Variants in WWOX observed in about 807,000 individuals in gnomAD.
The protein encoded by WWOX is WW domain-containing oxidoreductase.
WWOX carries 69 observed loss-of-function variants against 46.2 expected under a neutral mutation model. The observed-to-expected ratio is 1.49, with a 90% CI of 1.23 to 1.82. The LOEUF (loss-of-function observed/expected upper bound fraction) is 1.82. Among genes scored for constraint, WWOX ranks in the 40% most tolerant of loss-of-function variants. The pLI, the probability that WWOX is intolerant of heterozygous loss-of-function variation, is 0.00. For synonymous variants in WWOX, 359 were observed against 202.6 expected, an observed-to-expected ratio of 1.77 and a Z score of -6.56; for missense variants, 919 against 542.6, an observed-to-expected ratio of 1.69 and a Z score of -6.89.
chr16:78,730,617 ATTTT>A (rs536906826), intron 8 of WWOX, among the ~76,000 whole-genome samples: 15 of 123,054 alleles, frequency 1.2e-4, no homozygotes, highest in African/African-American at 4.1e-4. Context: ...ACGCCCGGCA[ATTTT>A]TTTTTTTTTT....
intron 8 of WWOX, among the ~76,000 whole-genome samples, chr16:78,800,083 C>G (rs759165322): frequency 1.4e-4 from 21 of 152,050 alleles, no homozygotes; most frequent in Non-Finnish European, 2.4e-4. Context: ...CGGGTTGGCT[C>G]TGAGATGATA....
chr16:79,067,700 C>T (rs537723455), intron 8 of WWOX, among the ~76,000 whole-genome samples: 7 of 152,188 alleles, frequency 4.6e-5, no homozygotes, highest in East Asian at 1.9e-4. Context: ...TGGTCTTTCC[C>T]GCAAGAAGGT....
intron 5 of WWOX, among the ~76,000 whole-genome samples, chr16:78,306,047 T>C (rs1447711584): frequency 4.6e-5 from 7 of 152,130 alleles, no homozygotes; most frequent in Non-Finnish European, 1.0e-4. Context: ...GCTGTGTTTA[T>C]ATATAGACAC....
At chr16:78,122,672 T>G (rs1238669251) in intron 4 of WWOX, among the ~76,000 whole-genome samples, 1 of 151,860 alleles carries the variant, frequency 6.6e-6, no homozygotes, top group Non-Finnish European at 1.5e-5. Context: ...TGGCGTGATC[T>G]CAGCTCACTG....
chr16:78,306,932 A>T (rs2080145355), intron 5 of WWOX, among the ~76,000 whole-genome samples: 1 of 152,132 alleles, frequency 6.6e-6, no homozygotes, highest in African/African-American at 2.4e-5. Context: ...CACTCTCCTT[A>T]TGACAGGTTT....
At chr16:78,507,800 A>C (rs1324744528) in intron 8 of WWOX, among the ~76,000 whole-genome samples, 1 of 152,138 alleles carries the variant, frequency 6.6e-6, no homozygotes, top group East Asian at 1.9e-4. Flanking sequence ...GCCTTGATTA[A>C]TAAGGCGTGA....
At chr16:79,130,456 A>G (rs1291142578) in intron 8 of WWOX, among the ~76,000 whole-genome samples, 2 of 152,164 alleles carry the variant, frequency 1.3e-5, no homozygotes, top group Non-Finnish European at 2.9e-5. Flanking sequence ...TCTACGTAAA[A>G]ACAGGGTTAG....
intron 5 of WWOX, among the ~76,000 whole-genome samples, chr16:78,212,475 G>A (rs1470211055): frequency 1.3e-5 from 2 of 152,196 alleles, no homozygotes; most frequent in African/African-American, 2.4e-5. Context: ...GACTACCTCT[G>A]TAGTTTATAT....
chr16:78,537,514 T>A (rs559589098), intron 8 of WWOX, among the ~76,000 whole-genome samples: 1 of 152,326 alleles, frequency 6.6e-6, no homozygotes, highest in South Asian at 2.1e-4. Context: ...TATCATATGA[T>A]TTACCTCTTC....
chr16:78,278,588 G>A (rs1567474854), intron 5 of WWOX: 7 of 1,604,292 alleles, frequency 4.4e-6, no homozygotes, highest in Non-Finnish European at 6.0e-6. Flanking sequence ...ACTGTCTTTT[G>A]TTTGTATCTT....
chr16:78,228,339 CTTT>C (rs34322106), intron 5 of WWOX, among the ~76,000 whole-genome samples: 61,012 of 111,006 alleles, frequency 0.55, 15,267 homozygotes, highest in East Asian at 0.73. Context: ...CATATTCTCT[CTTT>C]TTTTTTTTTT....
chr16:78,206,421 G>T (rs1167208655), intron 5 of WWOX, among the ~76,000 whole-genome samples: 1 of 152,120 alleles, frequency 6.6e-6, no homozygotes, highest in Admixed American at 6.5e-5. Flanking sequence ...GTATTTTAGG[G>T]TTTCTAAGAT....
chr16:78,452,262 A>G (rs750672518), intron 8 of WWOX, among the ~76,000 whole-genome samples: 49 of 152,304 alleles, frequency 3.2e-4, no homozygotes, highest in Admixed American at 2.6e-4. Flanking sequence ...ACAAATGGAT[A>G]TTTGAGAACC....
At chr16:78,719,466 C>T (rs999272639) in intron 8 of WWOX, among the ~76,000 whole-genome samples, 2 of 152,142 alleles carry the variant, frequency 1.3e-5, no homozygotes, top group African/African-American at 2.4e-5. Context: ...CTGAAAAAGT[C>T]GAGAAATGTT....
At chr16:78,567,272 G>A (rs923721494) in intron 8 of WWOX, among the ~76,000 whole-genome samples, 5 of 152,084 alleles carry the variant, frequency 3.3e-5, no homozygotes, top group Non-Finnish European at 7.4e-5. Flanking sequence ...TTGGTTGGGC[G>A]CGGTGGCTCA....
chr16:78,798,450 A>G (rs549490451), intron 8 of WWOX, among the ~76,000 whole-genome samples: 4 of 152,306 alleles, frequency 2.6e-5, no homozygotes, highest in East Asian at 1.9e-4. Flanking sequence ...TATCATTAAT[A>G]TGCCGCTTTT....
intron 8 of WWOX, among the ~76,000 whole-genome samples, chr16:79,021,788 C>T (rs751277840): frequency 1.3e-5 from 2 of 152,166 alleles, no homozygotes; most frequent in Non-Finnish European, 2.9e-5. Context: ...AGGGTTCCAG[C>T]CACAGACCCT....
In WWOX at chr16:78,412,348, G is replaced by C. The variant is rs975614393; in HGVS notation, c.606-12522G>C. Among the ~76,000 whole-genome samples the C allele has an allele frequency of 2.7e-4, 41 of 152,280 alleles. 1 individual carries two copies. Among genetic ancestry groups the C allele is most frequent in the Non-Finnish European group, 5.9e-5 (4 of 68,018 alleles). On this transcript the variant is annotated intron_variant, in intron 6 of 8. Coordinates refer to ENST00000566780, the MANE Select transcript of WWOX (RefSeq NM_016373.4). ...TAGGCATGTTGACCCTGAATTTGTG[G>C]GAAGGTATCCAGGAAGATAAGACTG...
intron 5 of WWOX, among the ~76,000 whole-genome samples, chr16:78,229,234 C>A (rs531022311): frequency 6.8e-6 from 1 of 146,422 alleles, no homozygotes; most frequent in Non-Finnish European, 1.5e-5. Flanking sequence ...AATATTTTGC[C>A]TTTTTGAAGT....
Sources: allele counts gnomAD v4.1 joint callset (sites outside exome capture counted in the v4.1 genomes callset), GRCh38; gene constraint gnomAD v4.1.1; transcripts MANE v1.5; gene names NCBI Gene and HGNC (gene_info 2026-07-23, HGNC 2026-07-21).